Variants in ZFPM1 observed in about 807,000 individuals in gnomAD.
ZFPM1 encodes zinc finger protein ZFPM1.
ZFPM1 carries 28 observed loss-of-function variants against 46.3 expected under a neutral mutation model. The ratio of observed to expected loss-of-function variants is 0.60; its 90% CI spans 0.45 to 0.83. The LOEUF is 0.83. Ranked by LOEUF, ZFPM1 falls within the 40% of genes least tolerant of loss-of-function variation. ZFPM1 has a pLI of 0.00. For synonymous variants in ZFPM1, 957 were observed against 675.9 expected (o/e 1.42, Z -6.45); for missense variants, 1,878 against 1,432.4 (o/e 1.31, Z -5.02).
At position 88,474,926 on chromosome 16, in the gene ZFPM1, A is replaced by G. The variant is rs62048966; in HGVS notation, c.41-11013A>G. Among the ~76,000 whole-genome samples, 4 of 152,292 alleles carry G rather than the reference A, an allele frequency of 2.6e-5. No individual in the cohort carries two copies. The South Asian group carries it at 8.3e-4, about 32-fold the overall frequency. Reference sequence around the variant, plus strand: ...TCGTTGGCCAGATGTGTAAACCAGGACCTGGGCAGCCCCTATGCCCAGAGC... The same window carrying G: ...TCGTTGGCCAGATGTGTAAACCAGGGCCTGGGCAGCCCCTATGCCCAGAGC... On this transcript the variant is annotated intron_variant, in intron 1 of 9. Transcript: ENST00000319555.
chr16:88,518,579 T>C (rs1911521274), intron 4 of ZFPM1, among the ~76,000 whole-genome samples: 1 of 146,366 alleles, frequency 6.8e-6, no homozygotes, highest in Non-Finnish European at 1.5e-5. Flanking sequence ...AGTGGGTAGA[T>C]GGACGGATGG....
intron 1 of ZFPM1, among the ~76,000 whole-genome samples, chr16:88,459,519 C>T (rs1005489103): frequency 1.3e-5 from 2 of 151,294 alleles, no homozygotes; most frequent in African/African-American, 2.4e-5. Context: ...CCCTCTCCCC[C>T]TCCTACCCTT....
chr16:88,465,840 T>A (rs1312309044), intron 1 of ZFPM1, among the ~76,000 whole-genome samples: 1 of 152,190 alleles, frequency 6.6e-6, no homozygotes, highest in African/African-American at 2.4e-5. Context: ...GATGGAGCGA[T>A]TAGCGGCGAT....
intron 1 of ZFPM1, among the ~76,000 whole-genome samples, chr16:88,482,760 G>A (rs1437172548): frequency 1.3e-5 from 2 of 152,210 alleles, no homozygotes; most frequent in Non-Finnish European, 2.9e-5. Context: ...AGGAAGCACA[G>A]CTCCTGGGCA....
At chr16:88,456,934 G>A (rs534382579) in intron 1 of ZFPM1, among the ~76,000 whole-genome samples, 1 of 152,328 alleles carries the variant, frequency 6.6e-6, no homozygotes, top group African/African-American at 2.4e-5. Context: ...AAGGAGCCGG[G>A]GAGGGAGGGT....
intron 1 of ZFPM1, among the ~76,000 whole-genome samples, chr16:88,482,310 G>C (rs1039448030): frequency 9.9e-5 from 15 of 152,102 alleles, no homozygotes; most frequent in African/African-American, 3.4e-4. Context: ...TTAGGGGCTC[G>C]GTGGGGACCA....
At chr16:88,502,879 G>GTC (rs139829677) in intron 3 of ZFPM1, among the ~76,000 whole-genome samples, 12,825 of 152,334 alleles carry the variant, frequency 0.084, 750 homozygotes, top group African/African-American at 0.16. Flanking sequence ...CCGTTTGTGG[G>GTC]TCTCTGCACA....
intron 1 of ZFPM1, among the ~76,000 whole-genome samples, chr16:88,454,913 T>C (rs1381280146): frequency 1.3e-5 from 2 of 152,158 alleles, no homozygotes; most frequent in East Asian, 3.9e-4. Context: ...GTGCGGGGCC[T>C]GTGGGAGCTT....
At position 88,471,087 on chromosome 16, in the gene ZFPM1, C is replaced by T. The variant is rs1908396571; in HGVS notation, c.41-14852C>T. ...TACATACTGGGCTGCCCAGAGGCTGCCTTCTGAAGGAGCGAGGGGGCCGGG... is the reference window on the plus strand; with the variant it reads ...TACATACTGGGCTGCCCAGAGGCTGTCTTCTGAAGGAGCGAGGGGGCCGGG... On this transcript the variant is annotated intron_variant, in intron 1 of 9. Coordinates refer to ENST00000319555, the MANE Select transcript of ZFPM1 (RefSeq NM_153813.3). The surrounding 1 kb of genome is among the most constrained non-coding windows in gnomAD (Gnocchi z 4.1). 6.6e-6 allele frequency among the ~76,000 whole-genome samples: 1 copy of T among 152,132 alleles called. No homozygotes were observed. Among genetic ancestry groups the T allele is most frequent in the Admixed American group, 6.5e-5 (1 of 15,286 alleles).
At chr16:88,451,965 G>A (rs574646285), upstream of ZFPM1, among the ~76,000 whole-genome samples, 1 of 152,300 alleles carries the variant, frequency 6.6e-6, no homozygotes, top group East Asian at 1.9e-4. Context: ...CCCCTTCCTT[G>A]GAGCCAGGGA....
At chr16:88,484,464 G>A (rs1909106938) in intron 1 of ZFPM1, among the ~76,000 whole-genome samples, 1 of 152,152 alleles carries the variant, frequency 6.6e-6, no homozygotes, top group South Asian at 2.1e-4. Flanking sequence ...ACTCAGACAC[G>A]CGGTTTCCAG....
intron 1 of ZFPM1, among the ~76,000 whole-genome samples, chr16:88,458,576 TA>T (rs1460094199): frequency 1.3e-5 from 2 of 152,210 alleles, no homozygotes; most frequent in Non-Finnish European, 2.9e-5. Context: ...GGCTTGTGAA[TA>T]ATACTCCCGC....
intron 1 of ZFPM1, among the ~76,000 whole-genome samples, chr16:88,458,980 C>T (rs929500654): frequency 1.3e-5 from 2 of 152,220 alleles, no homozygotes; most frequent in African/African-American, 4.8e-5. Context: ...GAGGGATCAG[C>T]CACCTGCAAG....
intron 3 of ZFPM1, among the ~76,000 whole-genome samples, chr16:88,513,881 C>T (rs757464813): frequency 6.6e-5 from 10 of 152,236 alleles, no homozygotes; most frequent in Non-Finnish European, 1.2e-4. Flanking sequence ...GTCTCCTTTT[C>T]TGTGTCTCTT....
intron 1 of ZFPM1, among the ~76,000 whole-genome samples, chr16:88,457,289 G>A (rs1278537904): frequency 6.6e-6 from 1 of 152,266 alleles, no homozygotes; most frequent in Admixed American, 6.5e-5. Flanking sequence ...TGTTGAGGCT[G>A]TCAGAGGCCA....
chr16:88,509,632 G>A (rs1294434926), intron 3 of ZFPM1, among the ~76,000 whole-genome samples: 1 of 152,190 alleles, frequency 6.6e-6, no homozygotes, highest in East Asian at 1.9e-4. Flanking sequence ...GAGGCGGGCG[G>A]CTGAGCAGAG....
At chr16:88,520,305 TG>T (rs1415473329) in intron 4 of ZFPM1, among the ~76,000 whole-genome samples, 1 of 149,452 alleles carries the variant, frequency 6.7e-6, no homozygotes, top group Non-Finnish European at 1.5e-5. Flanking sequence ...GATGGATGCG[TG>T]GGTGAGTGGG....
intron 3 of ZFPM1, among the ~76,000 whole-genome samples, chr16:88,490,163 C>G (rs1420991870): frequency 6.6e-6 from 1 of 152,042 alleles, no homozygotes; most frequent in African/African-American, 2.4e-5. Context: ...ACGCCATTCT[C>G]CTGCCTCAGC....
At chr16:88,454,292 C>T (rs1764389751) in intron 1 of ZFPM1, among the ~76,000 whole-genome samples, 1 of 152,192 alleles carries the variant, frequency 6.6e-6, no homozygotes, top group African/African-American at 2.4e-5. Context: ...CTGCCGCAGC[C>T]TAGGCACTTG....
Sources: gnomAD v4.1 joint callset for allele counts (sites outside exome capture counted in the v4.1 genomes callset) on GRCh38, gnomAD v4.1.1 for gene constraint, Gnocchi (gnomAD v3.1) non-coding constraint, MANE v1.5 for transcripts, NCBI Gene and HGNC (gene_info 2026-07-23, HGNC 2026-07-21) for gene names.